The following PLD5 variants were observed in gnomAD, a reference collection of about 807,000 sequenced individuals.
The protein encoded by PLD5 is phospholipase D family member 5.
Under a neutral mutation model 61.1 loss-of-function variants are expected in PLD5, and 36 were observed. The observed-to-expected ratio is 0.59, with a 90% CI of 0.45 to 0.78. PLD5 has a LOEUF of 0.78. PLD5 is among the 30% of genes least tolerant of loss of function. The pLI is 0.00. For synonymous variants in PLD5, 243 were observed against 242.8 expected (o/e 1.00, Z -0.01); for missense variants, 515 against 644.4 (o/e 0.80, Z 2.17).
At chr1:242,269,970 G>GGTCATAA (rs1673960220) in intron 3 of PLD5, among the ~76,000 whole-genome samples, 1 of 152,074 alleles carries the variant, frequency 6.6e-6, no homozygotes, top group Non-Finnish European at 1.5e-5. Context: ...AAGACTGGTG[G>GGTCATAA]GTCATAAATA....
At chr1:242,418,677 G>A (rs1221025415) in intron 1 of PLD5, among the ~76,000 whole-genome samples, 1 of 152,204 alleles carries the variant, frequency 6.6e-6, no homozygotes, top group Admixed American at 6.5e-5. Context: ...AGTGGCAACT[G>A]AGAACGTGTG....
intron 1 of PLD5, among the ~76,000 whole-genome samples, chr1:242,389,158 C>G (rs1662775257): frequency 1.3e-5 from 2 of 151,972 alleles, no homozygotes; most frequent in African/African-American, 4.8e-5. Flanking sequence ...GTAAGAAATT[C>G]TGTGAAACTG....
In PLD5 at chr1:242,220,245, T is replaced by A. The variant is rs758373657; in HGVS notation, c.608-130A>T. ...GACATTTAGGAAAGCTAAATATTTATGTTAGTTTGGTGGAGAGAAGGTCCC... is the reference window on the plus strand; with the variant it reads ...GACATTTAGGAAAGCTAAATATTTAAGTTAGTTTGGTGGAGAGAAGGTCCC... On this transcript the variant is annotated intron_variant, in intron 4 of 9. Transcript: ENST00000536534. 6 of 1,254,334 alleles carry A rather than the reference T, an allele frequency of 4.8e-6. No homozygotes were observed. In the African/African-American group the frequency reaches 7.4e-5, roughly 15 times the overall value. The allele number at this position is 1,254,334 out of a possible 1,614,324, so 77.7% of individuals were successfully genotyped here.
chr1:242,525,909 C>T (rs562706556), upstream of PLD5, among the ~76,000 whole-genome samples: 17 of 152,290 alleles, frequency 1.1e-4, no homozygotes, highest in East Asian at 3.3e-3. Context: ...AACAACTAAA[C>T]ACAAATACAC....
chr1:242,479,429 G>A (rs963336861), intron 1 of PLD5, among the ~76,000 whole-genome samples: 1 of 152,090 alleles, frequency 6.6e-6, no homozygotes, highest in African/African-American at 2.4e-5. Flanking sequence ...AGAACTTACA[G>A]GACCGTTGAA....
chr1:242,321,491 GA>G (rs1183147417), intron 2 of PLD5, among the ~76,000 whole-genome samples: 2 of 152,148 alleles, frequency 1.3e-5, no homozygotes, highest in Admixed American at 1.3e-4. Context: ...TTTTAGTAGA[GA>G]CGGTGTTTCA....
At chr1:242,396,962 G>A (rs180856038) in intron 1 of PLD5, among the ~76,000 whole-genome samples, 3 of 152,216 alleles carry the variant, frequency 2.0e-5, no homozygotes, top group Admixed American at 6.5e-5. Context: ...ACAGGCGTGA[G>A]CTACCACCCC....
At chr1:242,478,450 G>T (rs190888372) in intron 1 of PLD5, among the ~76,000 whole-genome samples, 9 of 152,312 alleles carry the variant, frequency 5.9e-5, no homozygotes, top group Non-Finnish European at 1.0e-4. Context: ...CCCTGGTCCT[G>T]TCACTGCGAG....
At chr1:242,312,383 C>A (rs1395635960) in intron 2 of PLD5, among the ~76,000 whole-genome samples, 1 of 152,054 alleles carries the variant, frequency 6.6e-6, no homozygotes, top group African/African-American at 2.4e-5. Flanking sequence ...TTTCTAGCCA[C>A]GTATCTTCCT....
intron 1 of PLD5, among the ~76,000 whole-genome samples, chr1:242,449,828 A>C (rs146185333): frequency 1.5e-3 from 228 of 152,286 alleles, no homozygotes; most frequent in African/African-American, 5.1e-3. Flanking sequence ...GTAAAGGAGA[A>C]TCCTGCCTAG....
intron 2 of PLD5, among the ~76,000 whole-genome samples, chr1:242,314,504 G>T (rs1225569170): frequency 6.6e-6 from 1 of 152,188 alleles, no homozygotes; most frequent in Non-Finnish European, 1.5e-5. Flanking sequence ...GTGTCCTCTA[G>T]TTCCCTCCAG....
rs139010773 is a variant in PLD5 at position 242,094,423 on chromosome 1, G to A, written c.1355-4313C>T. On this transcript the variant is annotated intron_variant, in intron 9 of 9. Coordinates refer to ENST00000536534, the MANE Select transcript of PLD5 (RefSeq NM_001372062.1). ...GTTTGGGGATTCTTCTGTAAGTCTT[G>A]TGAAAACTTAGTGGAGCAGTGATTC... Among the ~76,000 whole-genome samples, 157 of 152,250 alleles carry A rather than the reference G, an allele frequency of 1.0e-3. 1 individual carries two copies. The highest frequency in any genetic ancestry group is 3.3e-3 in the African/African-American group (138 of 41,546).
intron 5 of PLD5, among the ~76,000 whole-genome samples, chr1:242,208,787 C>T (rs1391914693): frequency 6.6e-6 from 1 of 151,764 alleles, no homozygotes; most frequent in African/African-American, 2.4e-5. Flanking sequence ...ACCTGTGCCC[C>T]AAGAGATGGC....
At position 242,420,409 on chromosome 1, in the gene PLD5, G is replaced by A. The variant is rs543900051; in HGVS notation, c.190-72167C>T. Among the ~76,000 whole-genome samples the A allele has an allele frequency of 3.2e-4, 49 of 151,894 alleles. No homozygotes were observed. The Middle Eastern group carries it at 0.014, about 43-fold the overall frequency. On this transcript the variant is annotated intron_variant, in intron 1 of 9. Transcript: ENST00000536534. Reference sequence around the variant, plus strand: ...TTACAGCCCCAAACTCTACTACCAGGGTCAACAACTCCGTTACACAGTTTC... The same window carrying A: ...TTACAGCCCCAAACTCTACTACCAGAGTCAACAACTCCGTTACACAGTTTC...
chr1:242,194,523 A>G (rs1291435433), intron 5 of PLD5, among the ~76,000 whole-genome samples: 1 of 152,072 alleles, frequency 6.6e-6, no homozygotes, highest in African/African-American at 2.4e-5. Flanking sequence ...CCAACCCTTC[A>G]ATGCCCATCA....
intron 1 of PLD5, among the ~76,000 whole-genome samples, chr1:242,387,686 T>TGA (rs1662677981): frequency 1.4e-5 from 2 of 144,150 alleles, no homozygotes; most frequent in African/African-American, 5.3e-5. Flanking sequence ...ATATAAAATT[T>TGA]TATCTATTTT....
chr1:242,234,119 T>C (rs142986169), intron 4 of PLD5, among the ~76,000 whole-genome samples: 3 of 152,336 alleles, frequency 2.0e-5, no homozygotes, highest in African/African-American at 7.2e-5. Flanking sequence ...TCAATATTTA[T>C]TCTTCTTCCA....
chr1:242,469,705 C>T (rs1340200835), intron 1 of PLD5, among the ~76,000 whole-genome samples: 1 of 152,080 alleles, frequency 6.6e-6, no homozygotes, highest in Non-Finnish European at 1.5e-5. Context: ...GACATGGGGT[C>T]TTGCTGTGTT....
At chr1:242,401,771 CT>C (rs1184195253) in intron 1 of PLD5, among the ~76,000 whole-genome samples, 1 of 152,216 alleles carries the variant, frequency 6.6e-6, no homozygotes, top group Non-Finnish European at 1.5e-5. Context: ...TGCCCCTGGT[CT>C]GTTCCATAGC....
Sources: gnomAD v4.1 joint callset for allele counts (sites outside exome capture counted in the v4.1 genomes callset) on GRCh38, gnomAD v4.1.1 for gene constraint, MANE v1.5 for transcripts, NCBI Gene and HGNC (gene_info 2026-07-23, HGNC 2026-07-21) for gene names.